Variants in SLC35F4 observed in about 807,000 individuals in gnomAD.
SLC35F4 encodes solute carrier family 35 member F4.
In SLC35F4, 24 loss-of-function variants were observed where a neutral mutation model predicts 44.2. The observed-to-expected ratio is 0.54, with a 90% CI of 0.39 to 0.76. SLC35F4 has a LOEUF of 0.76. SLC35F4 is among the 30% of genes least tolerant of loss of function. The pLI is 0.00. For synonymous variants in SLC35F4, 238 were observed against 223.6 expected (o/e 1.06, Z -0.57); for missense variants, 562 against 586.1 (o/e 0.96, Z 0.42).
chr14:57,779,110 A>C (rs1327172463), intron 1 of SLC35F4, among the ~76,000 whole-genome samples: 1 of 151,958 alleles, frequency 6.6e-6, no homozygotes, highest in Non-Finnish European at 1.5e-5. Context: ...GAAGACAAAA[A>C]AAAATAATAA....
At chr14:57,719,031 GC>G (rs538638146) in intron 1 of SLC35F4, among the ~76,000 whole-genome samples, 610 of 152,264 alleles carry the variant, frequency 4.0e-3, no homozygotes, top group Non-Finnish European at 7.2e-3. Flanking sequence ...AGAGATAGGG[GC>G]CAAGTTTCAT....
intron 1 of SLC35F4, among the ~76,000 whole-genome samples, chr14:57,855,445 C>G (rs1440217407): frequency 1.3e-5 from 2 of 152,152 alleles, no homozygotes; most frequent in African/African-American, 2.4e-5. Flanking sequence ...AAAATGCTCA[C>G]CATCACTGGT....
intron 1 of SLC35F4, among the ~76,000 whole-genome samples, chr14:57,864,850 G>A (rs1411729109): frequency 9.2e-5 from 14 of 152,212 alleles, no homozygotes; most frequent in Admixed American, 9.2e-4. Flanking sequence ...CACTTCAGTC[G>A]CCAGTAGAAC....
chr14:57,868,504 C>G (rs1262377755), upstream of SLC35F4, among the ~76,000 whole-genome samples: 1 of 148,226 alleles, frequency 6.7e-6, no homozygotes, highest in Admixed American at 6.7e-5. Flanking sequence ...GAGACAAAGT[C>G]TCACTCTGTC....
intron 1 of SLC35F4, among the ~76,000 whole-genome samples, chr14:57,977,666 C>T (rs1388407565): frequency 6.6e-6 from 1 of 152,194 alleles, no homozygotes; most frequent in Non-Finnish European, 1.5e-5. Context: ...TCCCAAGTCT[C>T]ATGGCACTTA....
intron 1 of SLC35F4, among the ~76,000 whole-genome samples, chr14:57,909,620 G>A (rs1341354510): frequency 6.6e-6 from 1 of 151,204 alleles, no homozygotes; most frequent in Admixed American, 6.6e-5. Flanking sequence ...TGCATCAAAG[G>A]TTCTTTCATG....
chr14:57,885,641 T>A (rs1349202954), intron 1 of SLC35F4, among the ~76,000 whole-genome samples: 4 of 152,222 alleles, frequency 2.6e-5, no homozygotes, highest in Non-Finnish European at 5.9e-5. Flanking sequence ...ATCCATTAGT[T>A]GCACTGGCCA....
At chr14:57,948,544 C>G (rs1484206390) in intron 1 of SLC35F4, among the ~76,000 whole-genome samples, 1 of 151,948 alleles carries the variant, frequency 6.6e-6, no homozygotes, top group African/African-American at 2.4e-5. Flanking sequence ...TAGTTCTGCT[C>G]TAATCTTTGT....
intron 1 of SLC35F4, among the ~76,000 whole-genome samples, chr14:57,846,523 G>A (rs1886039217): frequency 6.6e-6 from 1 of 152,140 alleles, no homozygotes; most frequent in South Asian, 2.1e-4. Context: ...TTAGCATATA[G>A]TGCAAAATCA....
chr14:57,714,089 T>C (rs769457675), intron 1 of SLC35F4, among the ~76,000 whole-genome samples: 6 of 152,220 alleles, frequency 3.9e-5, no homozygotes, highest in Non-Finnish European at 7.3e-5. Flanking sequence ...ATGACATTTA[T>C]TGATACAAAC....
chr14:57,572,459 G>T (rs983038324), intron 4 of SLC35F4, among the ~76,000 whole-genome samples: 1 of 151,986 alleles, frequency 6.6e-6, no homozygotes, highest in African/African-American at 2.4e-5. Context: ...TGTTTCTGAA[G>T]ATCTCCATCT....
At chr14:57,799,454 T>A (rs983884272) in intron 1 of SLC35F4, 2 of 152,390 alleles carry the variant, frequency 1.3e-5, no homozygotes, top group African/African-American at 4.8e-5. Context: ...CAGATCCGTC[T>A]GTACATATCC....
chr14:57,916,088 TGAA>T (rs1889323778), intron 1 of SLC35F4, among the ~76,000 whole-genome samples: 1 of 152,042 alleles, frequency 6.6e-6, no homozygotes. Flanking sequence ...GTTCTGGAGG[TGAA>T]GAAGTCCAAG....
At chr14:57,633,116 A>G (rs925746282) in intron 1 of SLC35F4, among the ~76,000 whole-genome samples, 3 of 152,246 alleles carry the variant, frequency 2.0e-5, no homozygotes, top group Middle Eastern at 3.4e-3. Context: ...ACCACAGTTT[A>G]TTTATCCATT....
At chr14:57,709,054 T>C (rs1303215236) in intron 1 of SLC35F4, among the ~76,000 whole-genome samples, 1 of 152,300 alleles carries the variant, frequency 6.6e-6, no homozygotes, top group East Asian at 1.9e-4. Flanking sequence ...GCGTGACCAC[T>C]GAAGCACAGC....
chr14:57,707,407 C>T (rs1407130667), intron 1 of SLC35F4, among the ~76,000 whole-genome samples: 2 of 152,064 alleles, frequency 1.3e-5, no homozygotes, highest in Admixed American at 6.6e-5. Flanking sequence ...GAGATCTGAT[C>T]GTTTTAAAAG....
chr14:57,615,449 G>A (rs1011713521), intron 1 of SLC35F4, among the ~76,000 whole-genome samples: 3 of 151,526 alleles, frequency 2.0e-5, no homozygotes, highest in African/African-American at 4.9e-5. Flanking sequence ...TAGGTTATGT[G>A]ATCAATTAAA....
chr14:57,933,081 G>A (rs1889730470), intron 1 of SLC35F4, among the ~76,000 whole-genome samples: 1 of 148,236 alleles, frequency 6.7e-6, no homozygotes, highest in Non-Finnish European at 1.5e-5. Context: ...TGTTGCCCAA[G>A]CGCGACCTTG....
In SLC35F4 at chr14:57,640,643, C is replaced by G. The variant is rs529169841; in HGVS notation, c.104-46519G>C. Among the ~76,000 whole-genome samples the G allele has an allele frequency of 3.9e-5, 6 of 152,094 alleles. No individual in the cohort carries two copies. The East Asian group carries it at 1.2e-3, about 29-fold the overall frequency. ...TTTTATGAATGAAAACATTGAGACT[C>G]AGGGAAGTTAAGTAAAATAACTGAG... On this transcript the variant is annotated intron_variant, in intron 1 of 7. Coordinates refer to ENST00000556826, the MANE Select transcript of SLC35F4 (RefSeq NM_001306087.2).
Sources: allele counts gnomAD v4.1 joint callset (sites outside exome capture counted in the v4.1 genomes callset), GRCh38; gene constraint gnomAD v4.1.1; transcripts MANE v1.5; gene names NCBI Gene and HGNC (gene_info 2026-07-23, HGNC 2026-07-21).